The following TOR1B variants were observed in gnomAD, a reference collection of about 807,000 sequenced individuals.
TOR1B encodes torsin family 1 member B.
In TOR1B, 14 loss-of-function variants were observed where a neutral mutation model predicts 29.2. The observed-to-expected ratio is 0.48, with a 90% CI of 0.32 to 0.75. The LOEUF (loss-of-function observed/expected upper bound fraction) is 0.75. TOR1B is among the 30% of genes least tolerant of loss of function. The pLI, the probability that TOR1B is intolerant of heterozygous loss-of-function variation, is 0.04. For synonymous variants in TOR1B, 166 were observed against 179.8 expected, an observed-to-expected ratio of 0.92 and a Z score of 0.62; for missense variants, 400 against 433.9, an observed-to-expected ratio of 0.92 and a Z score of 0.69.
chr9:129,803,598 G>T (rs932653458), intron 1 of TOR1B, among the ~76,000 whole-genome samples, 187 bp downstream of exon 1: 1 of 152,220 alleles, frequency 6.6e-6, no homozygotes, highest in Non-Finnish European at 1.5e-5. Context: ...ACGCAGAAGC[G>T]GTGCCTTCGC....
intron 2 of TOR1B, 27 bp downstream of exon 2, chr9:129,804,365 T>G (rs1420988833): frequency 6.2e-7 from 1 of 1,604,072 alleles, no homozygotes; most frequent in Admixed American, 1.7e-5. Flanking sequence ...TTATCTCGTC[T>G]GCAGGCCAGT....
rs2030702020 is a variant in TOR1B, at chr9:129,809,263, G to A, written c.770-79G>A. Reference sequence around the variant, plus strand: ...ACTCTCTCAAGGGGTACGGACATGAGGAATGTGCTGAGGGTCGGGACTGGA... The same window carrying A: ...ACTCTCTCAAGGGGTACGGACATGAAGAATGTGCTGAGGGTCGGGACTGGA... On this transcript the variant is annotated intron_variant, in intron 4 of 4. Coordinates refer to ENST00000259339, the MANE Select transcript of TOR1B (RefSeq NM_014506.3). 1.9e-6 allele frequency: 3 copies of A among 1,599,242 alleles called. No individual in the cohort carries two copies. The South Asian group carries it at 3.4e-5, about 18-fold the overall frequency.
rs1319896592 is a variant in TOR1B, at chr9:129,809,577, C to A, written c.1005C>A (p.Phe335Leu). Reference sequence around the variant, plus strand: ...AGACTGTGCAGTCGCGGCTGGATTTCCACTGAGCTCCTATCCAGATGGGGT... The same window carrying A: ...AGACTGTGCAGTCGCGGCTGGATTTACACTGAGCTCCTATCCAGATGGGGT... ...GCKTVQSRLD[F>L]H Residue 335 changes from phenylalanine (F) to leucine (L), a missense_variant, in exon 5 of 5, where the codon TTC becomes TTA. Physicochemically the swap from Phe to Leu is conservative, Grantham distance 22 (BLOSUM62 0). Transcript: ENST00000259339. The A allele has an allele frequency of 6.2e-7, 1 of 1,614,188 alleles. No homozygotes were observed. The highest frequency in any genetic ancestry group is 1.7e-5 in the Admixed American group (1 of 60,012).
intron 3 of TOR1B, 55 bp from the exon 4 acceptor site, chr9:129,808,850 C>T (rs530469242): frequency 2.5e-5 from 40 of 1,602,590 alleles, no homozygotes; most frequent in Middle Eastern, 1.7e-4. Context: ...CCACACCCAG[C>T]AGACACAGAA....
At chr9:129,807,144 C>G (rs1464092062) in intron 2 of TOR1B, 44 bp from the exon 3 acceptor site, 12 of 1,601,266 alleles carry the variant, frequency 7.5e-6, no homozygotes, top group African/African-American at 1.3e-5. Flanking sequence ...CTTGGTGCAC[C>G]CTTTGAGCTT....
intron 1 of TOR1B, among the ~76,000 whole-genome samples, chr9:129,803,729 A>T (rs1269559580): frequency 1.3e-5 from 2 of 152,154 alleles, no homozygotes; most frequent in African/African-American, 4.8e-5. Flanking sequence ...CAACCCTATT[A>T]AGTAGTTTTC....
Position 129,807,178 on chromosome 9 carries a change from G to A in TOR1B, c.466-10G>A. The A allele has an allele frequency of 1.2e-6, 2 of 1,612,020 alleles. No individual in the cohort carries two copies. Among genetic ancestry groups the A allele is most frequent in the South Asian group, 1.1e-5 (1 of 90,934 alleles). Reference sequence around the variant, plus strand: ...TTCGCATCCTGTTTCTTCTTTCATGGTTGGTCCAGGACCAGTTACAGAAGT... The same window carrying A: ...TTCGCATCCTGTTTCTTCTTTCATGATTGGTCCAGGACCAGTTACAGAAGT... On this transcript the variant is annotated splice_polypyrimidine_tract_variant and intron_variant, in intron 2 of 4. Coordinates refer to ENST00000259339, the MANE Select transcript of TOR1B (RefSeq NM_014506.3).
chr9:129,804,377 G>A (rs774255451), intron 2 of TOR1B, 39 bp downstream of exon 2: 24 of 1,599,620 alleles, frequency 1.5e-5, no homozygotes, highest in Non-Finnish European at 1.9e-5. Flanking sequence ...CAGGCCAGTC[G>A]GACTGGTCCG....
rs2030852569 is a variant in TOR1B at position 129,811,233 on chromosome 9, C to G, written c.*1650C>G. 1 of 152,008 alleles carries G rather than the reference C, an allele frequency of 6.6e-6. No homozygotes were observed. The highest frequency in any genetic ancestry group is 2.1e-4 in the South Asian group (1 of 4,824). 9.4% of individuals were successfully genotyped at this position (152,008 alleles called of 1,614,324 possible). A position where few individuals can be genotyped will look rare whatever the true frequency, so the allele number is the denominator to read the frequency against. ...TTTTGGGCATCTGGTCGAGAGAAGA[C>G]AAGATTTTCTCTATTTACAGTGAGG... On this transcript the variant is annotated 3_prime_UTR_variant, in exon 5 of 5. Coordinates refer to ENST00000259339, the MANE Select transcript of TOR1B (RefSeq NM_014506.3).
Position 129,810,591 on chromosome 9 carries a change from T to C in TOR1B, c.*1008T>C, listed in dbSNP as rs184944123. The C allele has an allele frequency of 8.2e-5, 24 of 293,386 alleles. No homozygotes were observed. The East Asian group carries it at 2.3e-3, about 28-fold the overall frequency. The allele number at this position is 293,386 out of a possible 1,614,324, so 18.2% of individuals were successfully genotyped here. Reference sequence around the variant, plus strand: ...ACCGTTGGCTTTGAATTTGAGTCGTTGGTTCCCATGGTGAGATGCTTGTTA... The same window carrying C: ...ACCGTTGGCTTTGAATTTGAGTCGTCGGTTCCCATGGTGAGATGCTTGTTA... On this transcript the variant is annotated 3_prime_UTR_variant, in exon 5 of 5. Coordinates refer to ENST00000259339, the MANE Select transcript of TOR1B (RefSeq NM_014506.3).
chr9:129,805,165 A>T (rs2030405476), intron 2 of TOR1B, among the ~76,000 whole-genome samples: 1 of 147,254 alleles, frequency 6.8e-6, no homozygotes, highest in Non-Finnish European at 1.5e-5. Context: ...AGAGAGATGT[A>T]GTCAGGGCCA....
Position 129,810,498 on chromosome 9 carries a change from C to T in TOR1B, c.*915C>T. 1 of 1,071,162 alleles carries T rather than the reference C, an allele frequency of 9.3e-7. No homozygotes were observed. Among genetic ancestry groups the T allele is most frequent in the East Asian group, 6.2e-5 (1 of 16,068 alleles). 66.4% of individuals were successfully genotyped at this position (1,071,162 alleles called of 1,614,324 possible). ...GGTATCAGCCCCAGCCTGCCTTGTG[C>T]CATATCTCAGCTTGGATCTCTGCTA... On this transcript the variant is annotated 3_prime_UTR_variant, in exon 5 of 5. Transcript: ENST00000259339.
chr9:129,803,810 G>A (rs1035062732), intron 1 of TOR1B, among the ~76,000 whole-genome samples: 3 of 152,176 alleles, frequency 2.0e-5, no homozygotes, highest in African/African-American at 7.2e-5. Context: ...AGGGTGGCTG[G>A]GATTAGCAAG....
chr9:129,809,023 A>G lies in TOR1B; in HGVS notation c.760A>G (p.Asn254Asp). ...TGTACTGTCTGTCGGAGTCTTCAAT[A>G]ATAAACACAGTGAGTCCACCAGGGT... ...EPVLSVGVFN[N>D]KHSGLWHSGL... is the part of the protein sequence containing the mutation. Residue 254 changes from asparagine to aspartate, a missense_variant, in exon 4 of 5, where the codon AAT becomes GAT. Coordinates refer to ENST00000259339, the MANE Select transcript of TOR1B (RefSeq NM_014506.3). 1 of 1,610,066 alleles carries G rather than the reference A, an allele frequency of 6.2e-7. No individual in the cohort carries two copies. Among genetic ancestry groups the G allele is most frequent in the South Asian group, 1.1e-5 (1 of 90,786 alleles).
chr9:129,806,461 G>A (rs1236612717), intron 2 of TOR1B, among the ~76,000 whole-genome samples: 2 of 152,156 alleles, frequency 1.3e-5, no homozygotes, highest in Admixed American at 6.5e-5. Context: ...CAGCTCTGTT[G>A]GTCTGGGGCA....
chr9:129,810,008 G>C lies in TOR1B; in HGVS notation c.*425G>C. 8.4e-7 allele frequency: 1 copy of C among 1,195,502 alleles called. No homozygotes were observed. Among genetic ancestry groups the C allele is most frequent in the East Asian group, 5.9e-5 (1 of 17,082 alleles). The allele number at this position is 1,195,502 out of a possible 1,614,324, so 74.1% of individuals were successfully genotyped here. On this transcript the variant is annotated 3_prime_UTR_variant, in exon 5 of 5. Transcript: ENST00000259339. The stretch of plus-strand genomic sequence containing the variant: ...AAATCCCCTTCACACTTAATGTACT[G>C]ACCGAGACAGAAGTACCTGAAAACA...
intron 4 of TOR1B, 94 bp from the exon 5 acceptor site, chr9:129,809,248 G>A: frequency 6.3e-7 from 1 of 1,580,084 alleles, no homozygotes; most frequent in Non-Finnish European, 8.6e-7. Context: ...ACTCTCTCAA[G>A]GGGTACGGAC....
rs372929072 is a variant in TOR1B, at chr9:129,809,525, A to G, written c.953A>G (p.Glu318Gly). The change falls in exon 5 of 5, where the codon GAG becomes GGG. Residue 318 changes from glutamate (E) to glycine (G), a missense_variant. Glu to Gly is a moderately conservative substitution (Grantham distance 98). Coordinates refer to ENST00000259339, the MANE Select transcript of TOR1B (RefSeq NM_014506.3). Reference sequence around the variant, plus strand: ...GAAATGACGTTTTTCCCCAGAGACGAGAAAATCTACTCAGACAAGGGCTGC... The same window carrying G: ...GAAATGACGTTTTTCCCCAGAGACGGGAAAATCTACTCAGACAAGGGCTGC... ...AEEMTFFPRD[E>G]KIYSDKGCKT... 3.7e-6 allele frequency: 6 copies of G among 1,614,036 alleles called. No homozygotes were observed. In the African/African-American group the frequency reaches 8.0e-5, roughly 22 times the overall value.
chr9:129,806,395 ATGTT>A (rs1376779397), intron 2 of TOR1B, among the ~76,000 whole-genome samples: 2 of 152,054 alleles, frequency 1.3e-5, no homozygotes, highest in African/African-American at 2.4e-5. Context: ...GAGTGTCTTT[ATGTT>A]TGTTTGAAGA....
Sources: allele counts gnomAD v4.1 joint callset (sites outside exome capture counted in the v4.1 genomes callset), GRCh38; gene constraint gnomAD v4.1.1; transcripts MANE v1.5; gene names NCBI Gene and HGNC (gene_info 2026-07-23, HGNC 2026-07-21).